RCBTB1: variants seen among roughly 807,000 people sequenced by gnomAD.
The protein encoded by RCBTB1 is RCC1 and BTB domain-containing protein 1.
A neutral mutation model predicts 62.4 loss-of-function variants in RCBTB1; 46 were observed. That is an observed-to-expected ratio of 0.74 (90% CI 0.58 to 0.94). RCBTB1 has a LOEUF of 0.94. Among genes scored for constraint, RCBTB1 ranks in the 40% least tolerant of loss-of-function variants. The pLI, the probability that RCBTB1 is intolerant of heterozygous loss-of-function variation, is 0.00. For missense variants in RCBTB1, 565 were observed against 654.9 expected, an observed-to-expected ratio of 0.86 and a Z score of 1.50; for synonymous variants, 222 against 245.8, an observed-to-expected ratio of 0.90 and a Z score of 0.91.
intron 2 of RCBTB1, among the ~76,000 whole-genome samples, chr13:49,579,836 T>A (rs1963996265): frequency 6.6e-6 from 1 of 152,238 alleles, no homozygotes; most frequent in Admixed American, 6.5e-5. Context: ...CTTTGTTTCA[T>A]AAGTTTTGTT....
At chr13:49,544,998 A>T (rs1960685568) in intron 9 of RCBTB1, 135 bp from the exon 10 acceptor site, 4 of 660,150 alleles carry the variant, frequency 6.1e-6, no homozygotes, top group Non-Finnish European at 1.0e-5. Context: ...ACCTTGTTTG[A>T]CAAATCAATT....
At chr13:49,584,094 G>A (rs1166349326) in intron 1 of RCBTB1, among the ~76,000 whole-genome samples, 9 of 152,164 alleles carry the variant, frequency 5.9e-5, no homozygotes, top group Admixed American at 4.6e-4. Context: ...CCCAGCTCCC[G>A]TATATTAGGT....
chr13:49,550,319 A>G (rs1961220856), intron 8 of RCBTB1: 1 of 358,888 alleles, frequency 2.8e-6, no homozygotes, highest in South Asian at 1.1e-4. Flanking sequence ...ATCTCCTACC[A>G]GAGCTCAGAA....
Position 49,540,979 on chromosome 13 carries a change from C to T in RCBTB1, c.1352G>A (p.Cys451Tyr). The T allele has an allele frequency of 6.2e-7, 1 of 1,612,966 alleles. No individual in the cohort carries two copies. Among genetic ancestry groups the T allele is most frequent in the South Asian group, 1.1e-5 (1 of 91,066 alleles). The change falls in exon 12 of 13, where the codon TGT (cysteine) becomes TAT (tyrosine). Residue 451 changes from cysteine (C) to tyrosine (Y), a missense_variant. Transcript: ENST00000378302. ...ACAAAGTTTTTTCAGTCTGTTTTCA[C>T]AGTAAGATGTCGCCAAATCCAGAAG... ...IGLLDLATSY[C>Y]ENRLKKLCQH...
At chr13:49,561,476 G>T (rs1198597647) in intron 4 of RCBTB1, among the ~76,000 whole-genome samples, 1 of 152,310 alleles carries the variant, frequency 6.6e-6, no homozygotes, top group Non-Finnish European at 1.5e-5. Flanking sequence ...CAAAAAGTAT[G>T]ATCCATGATA....
intron 2 of RCBTB1, among the ~76,000 whole-genome samples, chr13:49,576,056 G>A (rs907611932): frequency 7.3e-5 from 11 of 151,682 alleles, no homozygotes; most frequent in East Asian, 3.9e-4. Context: ...GTGTGGTGGC[G>A]GGCACCAGTA....
At chr13:49,549,239 A>G (rs927586724) in intron 9 of RCBTB1, among the ~76,000 whole-genome samples, 4 of 151,878 alleles carry the variant, frequency 2.6e-5, no homozygotes, top group African/African-American at 9.7e-5. Context: ...TTTGATATCA[A>G]TTGAAATGAA....
intron 5 of RCBTB1, among the ~76,000 whole-genome samples, chr13:49,556,016 C>G (rs1961830105): frequency 6.6e-6 from 1 of 152,120 alleles, no homozygotes; most frequent in Admixed American, 6.5e-5. Context: ...GCTACATTCC[C>G]TCTATAATTT....
Position 49,555,551 on chromosome 13 carries a change from A to T in RCBTB1, c.567T>A (p.Gly189=), listed in dbSNP as rs760959033. ...CCAGAACAGCCATGGATGAAGTCTG[A>T]CCACAGGCAATGCCAACTACCCTCT... ...HIKRVVGIAC[G]QTSSMAVLDN... Residue 189 remains glycine (G), a synonymous_variant, in exon 6 of 13, where the codon GGT becomes GGA. Coordinates refer to ENST00000378302, the MANE Select transcript of RCBTB1 (RefSeq NM_018191.4). 1.2e-6 allele frequency: 2 copies of T among 1,614,016 alleles called. No homozygotes were observed. Among genetic ancestry groups the T allele is most frequent in the South Asian group, 2.2e-5 (2 of 91,068 alleles).
At chr13:49,546,826 C>T in intron 9 of RCBTB1, 2 of 358,694 alleles carry the variant, frequency 5.6e-6, no homozygotes, top group African/African-American at 2.2e-5. Context: ...GCTTCGCTCA[C>T]TGCCACTCAC....
intron 1 of RCBTB1, among the ~76,000 whole-genome samples, chr13:49,580,855 C>T (rs1383318620): frequency 6.6e-6 from 1 of 152,150 alleles, no homozygotes; most frequent in Non-Finnish European, 1.5e-5. Flanking sequence ...CTTAGGTAAA[C>T]AGGACACAGA....
At chr13:49,578,273 A>C (rs749063829) in intron 2 of RCBTB1, among the ~76,000 whole-genome samples, 1 of 152,256 alleles carries the variant, frequency 6.6e-6, no homozygotes, top group Non-Finnish European at 1.5e-5. Flanking sequence ...CTTGGTAAAT[A>C]GTTGTTAACG....
intron 1 of RCBTB1, among the ~76,000 whole-genome samples, chr13:49,583,961 T>G (rs1345831741): frequency 6.6e-6 from 1 of 152,198 alleles, no homozygotes; most frequent in East Asian, 1.9e-4. Flanking sequence ...TATGCATGAC[T>G]TACTGTTTAA....
At position 49,566,652 on chromosome 13, in the gene RCBTB1, G is replaced by GTA. The variant is rs759657278; in HGVS notation, c.241_242dup (p.Gly82ThrfsTer46). On this transcript the variant is annotated frameshift_variant, in exon 4 of 13. Transcript: ENST00000378302. LOFTEE classifies it high-confidence loss of function. The stretch of plus-strand genomic sequence containing the variant: ...TGAGAAGAACATGTGGTCCACTCCC[G>GTA]TAACTGAGGCTTTTAATCTTCTTTC... 1.9e-6 allele frequency: 3 copies of GTA among 1,614,050 alleles called. No individual in the cohort carries two copies. Among genetic ancestry groups the GTA allele is most frequent in the Non-Finnish European group, 2.5e-6 (3 of 1,179,952 alleles).
chr13:49,542,259 A>T (rs545068905), intron 10 of RCBTB1, among the ~76,000 whole-genome samples: 15 of 151,952 alleles, frequency 9.9e-5, no homozygotes, highest in Non-Finnish European at 2.1e-4. Flanking sequence ...CTGGGCCTGA[A>T]CACACCAGGA....
intron 1 of RCBTB1, among the ~76,000 whole-genome samples, chr13:49,583,780 T>C (rs1280633126): frequency 2.0e-5 from 3 of 152,208 alleles, no homozygotes; most frequent in Non-Finnish European, 4.4e-5. Flanking sequence ...ACTCCTGGCC[T>C]CGTGTAATCT....
intron 4 of RCBTB1, among the ~76,000 whole-genome samples, chr13:49,564,991 G>GCTGTCC (rs1242370615): frequency 6.7e-6 from 1 of 149,008 alleles, no homozygotes; most frequent in African/African-American, 2.6e-5. Flanking sequence ...TAGGATTGCA[G>GCTGTCC]CTGTCCCGCT....
intron 8 of RCBTB1, 142 bp from the exon 9 acceptor site, chr13:49,549,790 C>T (rs1312979972): frequency 7.0e-7 from 1 of 1,428,260 alleles, no homozygotes; most frequent in African/African-American, 1.4e-5. Flanking sequence ...CAAGTCACAG[C>T]AACAAAAGCA....
chr13:49,536,784 CAATTATA>C (rs1367988788), intron 12 of RCBTB1, among the ~76,000 whole-genome samples: 3 of 152,110 alleles, frequency 2.0e-5, no homozygotes, highest in African/African-American at 7.2e-5. Context: ...TGTGGCAGAA[CAATTATA>C]AAGTGTTCTA....
Sources: gnomAD v4.1 joint callset for allele counts (sites outside exome capture counted in the v4.1 genomes callset) on GRCh38, gnomAD v4.1.1 for gene constraint, MANE v1.5 for transcripts, NCBI Gene and HGNC (gene_info 2026-07-23, HGNC 2026-07-21) for gene names.